Variants in ADGRL2 observed in about 807,000 individuals in gnomAD.
The protein encoded by ADGRL2 is calcium-independent alpha-latrotoxin receptor 2.
In ADGRL2, 44 loss-of-function variants were observed where a neutral mutation model predicts 157.4. The ratio of observed to expected loss-of-function variants is 0.28; its 90% CI spans 0.22 to 0.36. The LOEUF is 0.36. Among genes scored for constraint, ADGRL2 ranks in the 10% least tolerant of loss-of-function variants. The probability of loss-of-function intolerance (pLI) is 1.00; values close to 1 mark genes in which losing one functional copy is unlikely to be tolerated. For missense variants in ADGRL2, 1,510 were observed against 1,768.9 expected (o/e 0.85, Z 2.63); for synonymous variants, 585 against 624.7 (o/e 0.94, Z 0.95).
At chr1:81,400,301 CAG>C (rs1014279659) in intron 1 of ADGRL2, among the ~76,000 whole-genome samples, 6 of 151,980 alleles carry the variant, frequency 3.9e-5, no homozygotes, top group African/African-American at 1.4e-4. Flanking sequence ...TGTCAAGACT[CAG>C]AGTCTGTGAA....
intron 1 of ADGRL2, among the ~76,000 whole-genome samples, chr1:81,720,567 C>T (rs150182894): frequency 2.0e-5 from 3 of 152,036 alleles, no homozygotes; most frequent in East Asian, 3.9e-4. Flanking sequence ...CAAACTAGTT[C>T]ACAGGAGGTA....
intron 2 of ADGRL2, among the ~76,000 whole-genome samples, chr1:81,483,256 A>G (rs2078428473): frequency 1.3e-5 from 2 of 152,290 alleles, no homozygotes; most frequent in Middle Eastern, 3.4e-3. Flanking sequence ...TGCCTTTTAT[A>G]TGAGTCTTAC....
intron 2 of ADGRL2, among the ~76,000 whole-genome samples, chr1:81,839,906 T>TA (rs1386796004): frequency 8.4e-5 from 12 of 142,580 alleles, no homozygotes; most frequent in African/African-American, 3.1e-4. Flanking sequence ...TATATATATA[T>TA]TTTCCATCAT....
At chr1:81,689,131 T>C (rs2083284162) in intron 3 of ADGRL2, among the ~76,000 whole-genome samples, 1 of 152,148 alleles carries the variant, frequency 6.6e-6, no homozygotes, top group Non-Finnish European at 1.5e-5. Context: ...AAAGACACAG[T>C]AGTTTATTTG....
At chr1:81,362,994 C>T (rs892440539) in intron 1 of ADGRL2, among the ~76,000 whole-genome samples, 3 of 151,972 alleles carry the variant, frequency 2.0e-5, no homozygotes, top group African/African-American at 7.2e-5. Flanking sequence ...TGTATATCAT[C>T]ATATTGTATT....
chr1:81,452,414 C>A (rs2077719279), intron 2 of ADGRL2, among the ~76,000 whole-genome samples: 1 of 152,214 alleles, frequency 6.6e-6, no homozygotes, highest in African/African-American at 2.4e-5. Flanking sequence ...TTACTGAACA[C>A]CTTTATCTCA....
chr1:81,407,862 T>C (rs894338125), intron 1 of ADGRL2, among the ~76,000 whole-genome samples: 2 of 152,176 alleles, frequency 1.3e-5, no homozygotes, highest in African/African-American at 4.8e-5. Flanking sequence ...GTTTGTGACA[T>C]GTTAGCAAAA....
At chr1:81,878,550 G>C (rs368287482) in intron 2 of ADGRL2, among the ~76,000 whole-genome samples, 1 of 152,208 alleles carries the variant, frequency 6.6e-6, no homozygotes, top group African/African-American at 2.4e-5. Context: ...CTGCAAAGGA[G>C]GACATTTATT....
chr1:81,592,686 G>C (rs1345951125), intron 3 of ADGRL2, among the ~76,000 whole-genome samples: 1 of 152,166 alleles, frequency 6.6e-6, no homozygotes, highest in African/African-American at 2.4e-5. Context: ...TAAGCAAGAA[G>C]TATGTTCAGC....
intron 2 of ADGRL2, among the ~76,000 whole-genome samples, chr1:81,897,070 T>G (rs565798838): frequency 6.6e-6 from 1 of 152,304 alleles, no homozygotes; most frequent in Admixed American, 6.5e-5. Flanking sequence ...AGGCACATAG[T>G]AGTTACTCAG....
chr1:81,502,150 T>C, intron 2 of ADGRL2: 2 of 1,593,860 alleles, frequency 1.3e-6, no homozygotes, highest in South Asian at 1.1e-5. Context: ...AATATTTTCA[T>C]GTGCAGAAAG....
intron 2 of ADGRL2, among the ~76,000 whole-genome samples, chr1:81,771,199 G>C (rs1347522979): frequency 6.6e-6 from 1 of 151,540 alleles, no homozygotes; most frequent in Non-Finnish European, 1.5e-5. Flanking sequence ...CCTTTATCAA[G>C]TTAAGGGATT....
At chr1:81,877,358 A>G (rs1007386796) in intron 2 of ADGRL2, among the ~76,000 whole-genome samples, 4 of 152,148 alleles carry the variant, frequency 2.6e-5, no homozygotes, top group Non-Finnish European at 5.9e-5. Flanking sequence ...TTTGTTTTAC[A>G]TATCTTTAAA....
intron 3 of ADGRL2, among the ~76,000 whole-genome samples, chr1:81,618,851 G>GT (rs3841070): frequency 7.4e-4 from 110 of 147,886 alleles, no homozygotes; most frequent in South Asian, 1.9e-3. Flanking sequence ...TCTGGAGAAG[G>GT]TTTTTTTTTT....
intron 11 of ADGRL2, among the ~76,000 whole-genome samples, chr1:81,963,350 A>T (rs1408887294): frequency 6.6e-6 from 1 of 152,010 alleles, no homozygotes; most frequent in Admixed American, 6.6e-5. Flanking sequence ...ACTGTGAATA[A>T]TACTTGTTTT....
chr1:81,785,740 A>G (rs1571214947), intron 2 of ADGRL2, among the ~76,000 whole-genome samples: 1 of 152,146 alleles, frequency 6.6e-6, no homozygotes, highest in South Asian at 2.1e-4. Flanking sequence ...AAAAAACGAC[A>G]ACAAAAAATC....
At chr1:81,469,636 C>A (rs750407868) in intron 2 of ADGRL2, among the ~76,000 whole-genome samples, 6 of 152,144 alleles carry the variant, frequency 3.9e-5, no homozygotes, top group Non-Finnish European at 8.8e-5. Flanking sequence ...TCTAAAAAAA[C>A]CACAGGCGGG....
At chr1:81,852,994 AGGTC>A (rs1457486574) in intron 2 of ADGRL2, among the ~76,000 whole-genome samples, 1 of 152,172 alleles carries the variant, frequency 6.6e-6, no homozygotes, top group African/African-American at 2.4e-5. Context: ...CTGAACTGTC[AGGTC>A]ATTCCAAGAG....
intron 2 of ADGRL2, among the ~76,000 whole-genome samples, chr1:81,539,699 T>C (rs894853703): frequency 3.3e-5 from 5 of 152,132 alleles, no homozygotes; most frequent in Non-Finnish European, 1.5e-5. Context: ...CTCTTACCAC[T>C]ACTCTCTTTT....
Sources: allele counts gnomAD v4.1 joint callset (sites outside exome capture counted in the v4.1 genomes callset), GRCh38; gene constraint gnomAD v4.1.1; transcripts MANE v1.5; gene names NCBI Gene and HGNC (gene_info 2026-07-23, HGNC 2026-07-21).